SRFBP1: variants seen among roughly 807,000 people sequenced by gnomAD.
SRFBP1 encodes serum response factor binding protein 1, also known as serum response factor-binding protein 1.
In SRFBP1, 47 loss-of-function variants were observed where a neutral mutation model predicts 45.5. The observed-to-expected ratio is 1.03, with a 90% CI of 0.82 to 1.32. The LOEUF (loss-of-function observed/expected upper bound fraction) is 1.32. SRFBP1 is among the 40% of genes most tolerant of loss of function. The pLI, the probability that SRFBP1 is intolerant of heterozygous loss-of-function variation, is 0.00. For missense variants in SRFBP1, 621 were observed against 484.6 expected (o/e 1.28, Z -2.64); for synonymous variants, 203 against 166.3 (o/e 1.22, Z -1.70).
Position 122,071,452 on chromosome 5 carries a change from A to G in SRFBP1, n.312-3863A>G, listed in dbSNP as rs988622590. Among the ~76,000 whole-genome samples, 3 of 152,286 alleles carry G rather than the reference A, an allele frequency of 2.0e-5. No homozygotes were observed. The South Asian group carries it at 6.2e-4, about 32-fold the overall frequency. ...ATGACATATTTTGTTGAAGGGGTAAATGCATGACTAAATTGATGAATGCCA... is the reference window on the plus strand; with the variant it reads ...ATGACATATTTTGTTGAAGGGGTAAGTGCATGACTAAATTGATGAATGCCA... On this transcript the variant is annotated intron_variant and non_coding_transcript_variant, in intron 2 of 2. Coordinates refer to the SRFBP1 transcript ENST00000504881.
intron 1 of SRFBP1, among the ~76,000 whole-genome samples, chr5:121,971,574 A>G (rs986870169): frequency 2.0e-5 from 3 of 151,992 alleles, no homozygotes; most frequent in African/African-American, 7.2e-5. Flanking sequence ...CTTGAAGCTA[A>G]AAGGAGTGAT....
intron 2 of SRFBP1, among the ~76,000 whole-genome samples, chr5:122,058,076 A>G (rs1458142301): frequency 6.6e-6 from 1 of 152,196 alleles, no homozygotes; most frequent in African/African-American, 2.4e-5. Flanking sequence ...AATTATTTAC[A>G]TAAAAAATGA....
intron 3 of SRFBP1, among the ~76,000 whole-genome samples, chr5:121,977,669 C>T (rs1752330369): frequency 6.6e-6 from 1 of 151,898 alleles, no homozygotes; most frequent in African/African-American, 2.4e-5. Context: ...AAATTTTTTC[C>T]TTGGCTCAGA....
intron 1 of SRFBP1, among the ~76,000 whole-genome samples, chr5:121,968,528 A>G (rs969361325): frequency 1.3e-5 from 2 of 152,152 alleles, no homozygotes; most frequent in African/African-American, 4.8e-5. Flanking sequence ...ATACCTACAG[A>G]TCTTTTGCAT....
At chr5:121,977,689 A>C (rs1752330710) in intron 3 of SRFBP1, among the ~76,000 whole-genome samples, 1 of 152,078 alleles carries the variant, frequency 6.6e-6, no homozygotes, top group Non-Finnish European at 1.5e-5. Context: ...ACACTGCTTC[A>C]TTTTTATAGT....
intron 6 of SRFBP1, among the ~76,000 whole-genome samples, chr5:122,021,902 G>T (rs1341755087): frequency 6.6e-6 from 1 of 151,092 alleles, no homozygotes; most frequent in Non-Finnish European, 1.5e-5. Flanking sequence ...CACCATATTG[G>T]CCCGGTTAGT....
At chr5:122,021,634 G>A (rs1753323277) in intron 6 of SRFBP1, among the ~76,000 whole-genome samples, 1 of 149,876 alleles carries the variant, frequency 6.7e-6, no homozygotes, top group African/African-American at 2.5e-5. Flanking sequence ...TTTGAAAATG[G>A]CACACCACTA....
At chr5:121,994,558 TA>T (rs1561584075) in intron 3 of SRFBP1, 40 bp from the exon 4 acceptor site, 1 of 1,332,538 alleles carries the variant, frequency 7.5e-7, no homozygotes, top group Admixed American at 1.9e-5. Flanking sequence ...GTGATAAAAA[TA>T]GACACATAAC....
At chr5:122,008,945 G>T (rs1419038919) in intron 4 of SRFBP1, among the ~76,000 whole-genome samples, 1 of 152,136 alleles carries the variant, frequency 6.6e-6, no homozygotes, top group Non-Finnish European at 1.5e-5. Context: ...TAGGAACCAA[G>T]ATAAAGACCA....
At chr5:122,069,789 A>G (rs909846175) in intron 2 of SRFBP1, among the ~76,000 whole-genome samples, 9 of 152,082 alleles carry the variant, frequency 5.9e-5, no homozygotes, top group Non-Finnish European at 1.2e-4. Flanking sequence ...GGCCTTCACA[A>G]ATGCCTTCTG....
chr5:121,969,051 T>C (rs934886158), intron 1 of SRFBP1, among the ~76,000 whole-genome samples: 2 of 152,190 alleles, frequency 1.3e-5, no homozygotes, highest in Admixed American at 6.5e-5. Flanking sequence ...TCAAGTAGCA[T>C]TTAATTTTGT....
At chr5:122,058,626 C>T (rs74555356) in intron 2 of SRFBP1, among the ~76,000 whole-genome samples, 1 of 151,240 alleles carries the variant, frequency 6.6e-6, no homozygotes, top group Admixed American at 6.6e-5. Flanking sequence ...TAATACCTAT[C>T]GTTATATATC....
chr5:121,972,005 G>A (rs898603197), intron 1 of SRFBP1, among the ~76,000 whole-genome samples: 4 of 151,918 alleles, frequency 2.6e-5, no homozygotes, highest in African/African-American at 9.7e-5. Context: ...TAAAAGCTTA[G>A]TTCTCCACAC....
chr5:122,025,245 A>T (rs1439492053), intron 7 of SRFBP1, among the ~76,000 whole-genome samples: 2 of 152,048 alleles, frequency 1.3e-5, no homozygotes, highest in Non-Finnish European at 2.9e-5. Context: ...GTTTGCTGAG[A>T]ATGATGGTTT....
intron 3 of SRFBP1, among the ~76,000 whole-genome samples, chr5:121,981,573 T>A (rs1479879375): frequency 8.0e-5 from 12 of 149,970 alleles, no homozygotes; most frequent in African/African-American, 2.7e-4. Flanking sequence ...TTTTTTTTTT[T>A]AACCAGCTAA....
intron 2 of SRFBP1, among the ~76,000 whole-genome samples, chr5:122,061,706 A>G (rs568692110): frequency 1.3e-5 from 2 of 152,158 alleles, no homozygotes; most frequent in South Asian, 4.1e-4. Context: ...CGGTACCTAA[A>G]AGCATTCAAG....
rs186625260 is a variant in SRFBP1 at position 122,022,238 on chromosome 5, T to C, written c.1068-132T>C. 3 of 661,884 alleles carry C rather than the reference T, an allele frequency of 4.5e-6. No homozygotes were observed. The East Asian group carries it at 8.8e-5, about 19-fold the overall frequency. The allele number at this position is 661,884 out of a possible 1,614,324, so 41.0% of individuals were successfully genotyped here. On this transcript the variant is annotated intron_variant, in intron 6 of 7. Transcript: ENST00000339397. ...CAACCTGGGACTTTCATAATTATTT[T>C]ATTGTTTGCTGGTGTGACTAAGGAG...
chr5:121,970,452 C>T (rs147254649), intron 1 of SRFBP1, among the ~76,000 whole-genome samples: 105 of 152,022 alleles, frequency 6.9e-4, no homozygotes, highest in African/African-American at 2.3e-3. Context: ...TGCAGTTCAT[C>T]GCTTGCTATT....
intron 2 of SRFBP1, among the ~76,000 whole-genome samples, chr5:122,054,970 A>C (rs539929642): frequency 6.6e-5 from 10 of 152,336 alleles, no homozygotes; most frequent in African/African-American, 1.9e-4. Context: ...ATTGAAGATC[A>C]CACAGCCAAT....
Sources: allele counts gnomAD v4.1 joint callset (sites outside exome capture counted in the v4.1 genomes callset), GRCh38; gene constraint gnomAD v4.1.1; transcripts MANE v1.5; gene names NCBI Gene and HGNC (gene_info 2026-07-23, HGNC 2026-07-21).